Variants in GNA12 observed in about 807,000 individuals in gnomAD.
The protein encoded by GNA12 is guanine nucleotide-binding protein subunit alpha-12.
GNA12 carries 9 observed loss-of-function variants against 26.0 expected under a neutral mutation model. The observed-to-expected ratio is 0.35, with a 90% CI of 0.21 to 0.60. The LOEUF (loss-of-function observed/expected upper bound fraction) is 0.60. Ranked by LOEUF, GNA12 falls within the 20% of genes least tolerant of loss-of-function variation. The probability of loss-of-function intolerance (pLI) is 0.78; values close to 1 mark genes in which losing one functional copy is unlikely to be tolerated. For synonymous variants in GNA12, 264 were observed against 219.6 expected (o/e 1.20, Z -1.79); for missense variants, 405 against 525.8 (o/e 0.77, Z 2.25).
At chr7:2,795,283 G>A in intron 1 of GNA12, 140 bp from the exon 2 acceptor site, 1 of 672,748 alleles carries the variant, frequency 1.5e-6, no homozygotes, top group South Asian at 1.8e-5. Flanking sequence ...TCTGTCTCTT[G>A]GTTTGTTTGT....
chr7:2,740,673 A>C (rs1397010479), intron 2 of GNA12, among the ~76,000 whole-genome samples: 1 of 152,212 alleles, frequency 6.6e-6, no homozygotes, highest in Non-Finnish European at 1.5e-5. Context: ...CAATGGGTTT[A>C]TGAGTATCTG....
rs111308450 is a variant in GNA12, at chr7:2,788,152, CA to C, written c.525+6775del. 7.8e-3 allele frequency among the ~76,000 whole-genome samples: 1,106 copies of C among 141,632 alleles called. 13 individuals carry two copies. The highest frequency in any genetic ancestry group is 0.027 in the African/African-American group (1,012 of 38,022). 92.9% of individuals were successfully genotyped at this position (141,632 alleles called of 152,430 possible). Reference sequence around the variant, plus strand: ...CTGGGCAACAGGGCGAGACTGTCTCCAAAAAAAAAAACAAATGCCAGCAAAA... The same window carrying C: ...CTGGGCAACAGGGCGAGACTGTCTCCAAAAAAAAAACAAATGCCAGCAAAA... On this transcript the variant is annotated intron_variant, in intron 2 of 3. Coordinates refer to ENST00000275364, the MANE Select transcript of GNA12 (RefSeq NM_007353.3).
chr7:2,832,058 C>G (rs1759449167), intron 1 of GNA12, among the ~76,000 whole-genome samples: 1 of 152,192 alleles, frequency 6.6e-6, no homozygotes, highest in South Asian at 2.1e-4. Context: ...GACTGAGCAT[C>G]AAACTGTTTT....
intron 2 of GNA12, among the ~76,000 whole-genome samples, chr7:2,766,131 C>A (rs1426888594): frequency 1.3e-5 from 2 of 152,198 alleles, no homozygotes; most frequent in Non-Finnish European, 2.9e-5. Flanking sequence ...TTCCCCCCAT[C>A]TGCCCAGCCC....
chr7:2,745,818 C>A (rs930479870), intron 2 of GNA12, among the ~76,000 whole-genome samples: 16 of 152,092 alleles, frequency 1.1e-4, no homozygotes, highest in African/African-American at 3.9e-4. Context: ...TAAAGGGATG[C>A]AGGAAGATCT....
At chr7:2,749,441 C>G (rs1000987511) in intron 2 of GNA12, among the ~76,000 whole-genome samples, 1 of 145,888 alleles carries the variant, frequency 6.9e-6, no homozygotes, top group East Asian at 2.0e-4. Context: ...TGTTCTCACT[C>G]ATAGGTGGGA....
intron 1 of GNA12, among the ~76,000 whole-genome samples, chr7:2,809,619 G>A (rs1421054915): frequency 2.6e-5 from 4 of 152,052 alleles, no homozygotes; most frequent in Admixed American, 1.3e-4. Context: ...TGGGTACACC[G>A]CCTTTGGGGT....
At chr7:2,833,363 T>C (rs906087128) in intron 1 of GNA12, among the ~76,000 whole-genome samples, 6 of 152,210 alleles carry the variant, frequency 3.9e-5, no homozygotes, top group Admixed American at 3.3e-4. Context: ...GTACGATCCA[T>C]GAACCCACTC....
At chr7:2,790,160 A>T (rs1248947793) in intron 2 of GNA12, among the ~76,000 whole-genome samples, 1 of 152,184 alleles carries the variant, frequency 6.6e-6, no homozygotes, top group African/African-American at 2.4e-5. Flanking sequence ...TGCCTTTAGA[A>T]AAGTCTCCTC....
At chr7:2,733,270 C>T (rs1008448829) in intron 3 of GNA12, among the ~76,000 whole-genome samples, 181 bp downstream of exon 3, 2 of 152,192 alleles carry the variant, frequency 1.3e-5, no homozygotes, top group Non-Finnish European at 2.9e-5. Flanking sequence ...CTCCCCTCCC[C>T]ACTGAGACGG....
At chr7:2,758,310 T>C (rs1446152263) in intron 2 of GNA12, among the ~76,000 whole-genome samples, 3 of 152,164 alleles carry the variant, frequency 2.0e-5, no homozygotes, top group Non-Finnish European at 2.9e-5. Flanking sequence ...CAAACACTTA[T>C]CTCATTCGCC....
At chr7:2,821,753 G>C (rs532617145) in intron 1 of GNA12, among the ~76,000 whole-genome samples, 132 of 152,296 alleles carry the variant, frequency 8.7e-4, no homozygotes, top group Middle Eastern at 3.4e-3. Flanking sequence ...TAGTTGCCAG[G>C]AAACATGAGG....
In GNA12 at chr7:2,728,927, C is replaced by T. The variant is rs11354; in HGVS notation, c.*2254G>A. ...GTCAGCGCTGAGCGGGTCAAGAGCC[C>T]GCGCCGGGGGCCATCCCCCTGCGCT... On this transcript the variant is annotated 3_prime_UTR_variant, in exon 4 of 4. Transcript: ENST00000275364. The T allele has an allele frequency of 0.46, 70,799 of 152,306 alleles. 17,234 individuals are homozygous for T. Among genetic ancestry groups the T allele is most frequent in the African/African-American group, 0.6 (25,088 of 41,498 alleles). The allele number at this position is 152,306 out of a possible 1,614,324, so 9.4% of individuals were successfully genotyped here.
chr7:2,776,228 G>A (rs542738659), intron 2 of GNA12, among the ~76,000 whole-genome samples: 5 of 152,242 alleles, frequency 3.3e-5, no homozygotes, highest in South Asian at 2.1e-4. Context: ...GAGCCACCGC[G>A]CCCAGCCAAC....
chr7:2,843,602 G>A lies in GNA12; in HGVS notation c.309+251C>T, dbSNP rs139180730. 2.1e-3 allele frequency among the ~76,000 whole-genome samples: 322 copies of A among 151,906 alleles called. 2 individuals carry two copies. Among genetic ancestry groups the A allele is most frequent in the African/African-American group, 7.4e-3 (308 of 41,436 alleles). On this transcript the variant is annotated intron_variant, in intron 1 of 3. Transcript: ENST00000275364. ...GTCGAGGCTGCAGTGAGCTGTGAGG[G>A]CGCCACTGCACTCAAGCCTGGGAAA...
chr7:2,749,543 G>A (rs1184682928), intron 2 of GNA12, among the ~76,000 whole-genome samples: 1 of 151,806 alleles, frequency 6.6e-6, no homozygotes, highest in Non-Finnish European at 1.5e-5. Context: ...GATAGCATTA[G>A]GAGATATACC....
chr7:2,810,277 T>C (rs533437430), intron 1 of GNA12, among the ~76,000 whole-genome samples: 1 of 152,204 alleles, frequency 6.6e-6, no homozygotes, highest in African/African-American at 2.4e-5. Context: ...CCTCAGATGG[T>C]GGAAGGGGTA....
intron 2 of GNA12, among the ~76,000 whole-genome samples, chr7:2,785,508 C>CTCTTA (rs1792335844): frequency 6.6e-6 from 1 of 152,176 alleles, no homozygotes; most frequent in Non-Finnish European, 1.5e-5. Context: ...CAAACCAAAA[C>CTCTTA]TAAGAAAGTA....
intron 2 of GNA12, among the ~76,000 whole-genome samples, chr7:2,741,609 T>C (rs1362029431): frequency 6.6e-6 from 1 of 152,154 alleles, no homozygotes; most frequent in African/African-American, 2.4e-5. Context: ...GCAAGAATAG[T>C]ACAAAGAGCT....
Sources: allele counts gnomAD v4.1 joint callset (sites outside exome capture counted in the v4.1 genomes callset), GRCh38; gene constraint gnomAD v4.1.1; transcripts MANE v1.5; gene names NCBI Gene and HGNC (gene_info 2026-07-23, HGNC 2026-07-21).